GLIS3: variants seen among roughly 807,000 people sequenced by gnomAD.
GLIS3 encodes GLIS family zinc finger 3.
A neutral mutation model predicts 78.6 loss-of-function variants in GLIS3; 53 were observed. That is an observed-to-expected ratio of 0.67 (90% confidence interval 0.54 to 0.85). The LOEUF (loss-of-function observed/expected upper bound fraction) is 0.85, where lower values mean the gene tolerates loss of function less well. Ranked by LOEUF, GLIS3 falls within the 40% of genes least tolerant of loss-of-function variation. GLIS3 has a pLI of 0.00. For missense variants in GLIS3, 1,703 were observed against 1,231.1 expected (o/e 1.38, Z -5.74); for synonymous variants, 684 against 509.9 (o/e 1.34, Z -4.60).
rs549012723 is a variant in GLIS3 at position 4,135,023 on chromosome 9, G to C, written c.389-9082C>G. On this transcript the variant is annotated intron_variant, in intron 2 of 10. Transcript: ENST00000381971. ...ATGCCTTCCAACACATCCTCTATCA[G>C]AAAAAAAAAGATATTCTGGTGGGAA... Among the ~76,000 whole-genome samples the C allele has an allele frequency of 2.1e-3, 310 of 150,194 alleles. 1 individual carries two copies. The highest frequency in any genetic ancestry group is 3.6e-3 in the Non-Finnish European group (246 of 67,496).
Position 3,977,472 on chromosome 9 carries a change from A to G in GLIS3, c.1711-40283T>C, listed in dbSNP as rs1818891461. 6.6e-6 allele frequency among the ~76,000 whole-genome samples: 1 copy of G among 152,204 alleles called. No individual in the cohort carries two copies. The highest frequency in any genetic ancestry group is 1.5e-5 in the Non-Finnish European group (1 of 68,038). Reference sequence around the variant, plus strand: ...AATGAGAGCTGCTCGGTAAGAAAAGAAAAGATTTATTGAATTCCTTTTGGC... The same window carrying G: ...AATGAGAGCTGCTCGGTAAGAAAAGGAAAGATTTATTGAATTCCTTTTGGC... On this transcript the variant is annotated intron_variant, in intron 4 of 10. Coordinates refer to ENST00000381971, the MANE Select transcript of GLIS3 (RefSeq NM_001042413.2). The surrounding 1 kb of genome is among the most constrained non-coding windows in gnomAD (Gnocchi z 4.1).
Position 4,314,923 on chromosome 9 carries a change from T to C in GLIS3, n.265-4395A>G, listed in dbSNP as rs535340951. On this transcript the variant is annotated intron_variant and non_coding_transcript_variant, in intron 2 of 4. Transcript: ENST00000471664. The stretch of plus-strand genomic sequence containing the variant: ...CCTTTGGGATGAATAGTGCTGGAAC[T>C]CTCAGGGATTCAGAGCTGCTGAGGG... Among the ~76,000 whole-genome samples the C allele has an allele frequency of 7.2e-5, 11 of 152,304 alleles. No individual in the cohort carries two copies. In the East Asian group the frequency reaches 1.9e-3, roughly 27 times the overall value.
intron 4 of GLIS3, among the ~76,000 whole-genome samples, chr9:4,000,092 G>C (rs1821027826): frequency 6.6e-6 from 1 of 152,068 alleles, no homozygotes; most frequent in African/African-American, 2.4e-5. Context: ...ATCCATGATG[G>C]TTAAATGAAT....
chr9:4,163,803 TGTTA>T (rs768053788), intron 2 of GLIS3, among the ~76,000 whole-genome samples: 2 of 152,186 alleles, frequency 1.3e-5, no homozygotes, highest in Non-Finnish European at 2.9e-5. Context: ...GTGCTCAGTA[TGTTA>T]GTTGGTGGTG....
At chr9:3,946,062 T>C (rs1259447668) in intron 4 of GLIS3, among the ~76,000 whole-genome samples, 1 of 152,224 alleles carries the variant, frequency 6.6e-6, no homozygotes, top group Non-Finnish European at 1.5e-5. Context: ...AACATCCTAC[T>C]GACCCTTTAG....
the GLIS3 span, among the ~76,000 whole-genome samples, chr9:4,469,277 CA>C: frequency 6.6e-6 from 1 of 152,250 alleles, no homozygotes; most frequent in East Asian, 1.9e-4. Context: ...AGCTCTGCAC[CA>C]AGCAGACCTA....
At chr9:4,248,934 G>A (rs1002220274) in intron 2 of GLIS3, among the ~76,000 whole-genome samples, 1 of 152,144 alleles carries the variant, frequency 6.6e-6, no homozygotes, top group African/African-American at 2.4e-5. Flanking sequence ...AGAAGGGGTG[G>A]TTATAGATCT....
At chr9:4,039,083 G>A (rs868388780) in intron 4 of GLIS3, among the ~76,000 whole-genome samples, 1 of 152,094 alleles carries the variant, frequency 6.6e-6, no homozygotes, top group African/African-American at 2.4e-5. Flanking sequence ...TAATAAGCCT[G>A]GGCACCATAC....
chr9:4,298,725 T>G (rs1816835547), intron 1 of GLIS3, among the ~76,000 whole-genome samples: 1 of 152,092 alleles, frequency 6.6e-6, no homozygotes, highest in South Asian at 2.1e-4. Context: ...GGAGGGTTCG[T>G]GTCTGGCTGT....
chr9:4,428,073 C>A, the GLIS3 span, among the ~76,000 whole-genome samples: 5 of 151,982 alleles, frequency 3.3e-5, no homozygotes, highest in East Asian at 9.7e-4. Context: ...GAAATCAAGT[C>A]AGAGGAATAA....
At chr9:4,404,258 A>G in the GLIS3 span, among the ~76,000 whole-genome samples, 1 of 152,198 alleles carries the variant, frequency 6.6e-6, no homozygotes, top group Admixed American at 6.5e-5. Context: ...AAATAGGCCC[A>G]AATACAATAA....
chr9:3,890,113 T>C (rs1822333805), intron 7 of GLIS3, among the ~76,000 whole-genome samples: 2 of 152,268 alleles, frequency 1.3e-5, no homozygotes, highest in South Asian at 2.1e-4. Flanking sequence ...ACAAGGAATA[T>C]GTAAAATTGC....
intron 7 of GLIS3, among the ~76,000 whole-genome samples, chr9:3,880,891 G>T (rs898173123): frequency 6.6e-6 from 1 of 152,222 alleles, no homozygotes; most frequent in Admixed American, 6.5e-5. Context: ...TCAGCATTCT[G>T]TCAGGTTAAC....
At chr9:4,219,382 A>G (rs1033059933) in intron 2 of GLIS3, among the ~76,000 whole-genome samples, 1 of 152,222 alleles carries the variant, frequency 6.6e-6, no homozygotes. Flanking sequence ...TAATCTGGAC[A>G]CTCACAGCCC....
chr9:4,407,967 G>C, the GLIS3 span, among the ~76,000 whole-genome samples: 18 of 152,010 alleles, frequency 1.2e-4, no homozygotes, highest in African/African-American at 4.3e-4. Context: ...GATCTGAAAA[G>C]ACATTTCTAA....
chr9:4,172,820 T>A (rs1258660296), intron 2 of GLIS3, among the ~76,000 whole-genome samples: 1 of 152,142 alleles, frequency 6.6e-6, no homozygotes, highest in African/African-American at 2.4e-5. Flanking sequence ...AAGGGTTGTC[T>A]TAATCAGGGG....
chr9:4,166,988 T>C (rs959178075), intron 2 of GLIS3, among the ~76,000 whole-genome samples: 2 of 152,180 alleles, frequency 1.3e-5, no homozygotes, highest in African/African-American at 4.8e-5. Flanking sequence ...AAAATCTCTT[T>C]GAGTGTGAGG....
chr9:4,392,599 T>G, the GLIS3 span, among the ~76,000 whole-genome samples: 1 of 152,178 alleles, frequency 6.6e-6, no homozygotes, highest in Non-Finnish European at 1.5e-5. Flanking sequence ...CTTTTTCTTT[T>G]GTATCTGGTC....
the GLIS3 span, among the ~76,000 whole-genome samples, chr9:4,422,727 A>G: frequency 1.4e-4 from 21 of 152,226 alleles, no homozygotes; most frequent in Admixed American, 1.4e-3. Flanking sequence ...AAAGTGAAGC[A>G]GGTTAATGAG....
Sources: gnomAD v4.1 joint callset for allele counts (sites outside exome capture counted in the v4.1 genomes callset) on GRCh38, gnomAD v4.1.1 for gene constraint, Gnocchi (gnomAD v3.1) non-coding constraint, MANE v1.5 for transcripts, NCBI Gene and HGNC (gene_info 2026-07-23, HGNC 2026-07-21) for gene names.